The following LAD1 variants were observed in gnomAD, a reference collection of about 807,000 sequenced individuals.
LAD1 encodes ladinin 1.
LAD1 carries 53 observed loss-of-function variants against 54.2 expected under a neutral mutation model. The ratio of observed to expected loss-of-function variants is 0.98; its 90% confidence interval spans 0.78 to 1.23. LAD1 has a LOEUF of 1.23. Among genes scored for constraint, LAD1 ranks in the 50% most tolerant of loss-of-function variants. The probability of loss-of-function intolerance (pLI) is 0.00; values close to 1 mark genes in which losing one functional copy is unlikely to be tolerated. For missense variants in LAD1, 637 were observed against 653.3 expected (o/e 0.98, Z 0.27); for synonymous variants, 231 against 257.7 (o/e 0.90, Z 0.99).
chr1:201,396,474 G>A (rs1006673540), intron 1 of LAD1, among the ~76,000 whole-genome samples: 1 of 152,094 alleles, frequency 6.6e-6, no homozygotes, highest in Non-Finnish European at 1.5e-5. Context: ...CTGATGGCAG[G>A]GATTTAAGTG....
intron 4 of LAD1, 137 bp downstream of exon 4, chr1:201,385,564 C>A: frequency 1.4e-6 from 1 of 731,812 alleles, no homozygotes. Context: ...TTGTTCAGGG[C>A]CACCCATGGG....
At chr1:201,389,968 G>A (rs985304988) in intron 1 of LAD1, among the ~76,000 whole-genome samples, 7 of 151,752 alleles carry the variant, frequency 4.6e-5, no homozygotes, top group Non-Finnish European at 1.0e-4. Context: ...TGCTCAGATT[G>A]GAGTGCAGTG....
chr1:201,395,885 C>G (rs1662278802), intron 1 of LAD1, among the ~76,000 whole-genome samples: 1 of 152,228 alleles, frequency 6.6e-6, no homozygotes, highest in Non-Finnish European at 1.5e-5. Context: ...GCTTAACCAT[C>G]ATACCAAGTG....
chr1:201,384,652 T>C, intron 5 of LAD1, 140 bp downstream of exon 5: 1 of 808,236 alleles, frequency 1.2e-6, no homozygotes, highest in Non-Finnish European at 2.1e-6. Context: ...CCCTGCCAGA[T>C]CTGGAGCCCT....
rs1662151682 is a variant in LAD1, at chr1:201,389,205, G to T, written c.137C>A (p.Pro46His). 2 of 1,614,220 alleles carry T rather than the reference G, an allele frequency of 1.2e-6. No homozygotes were observed. The highest frequency in any genetic ancestry group is 2.7e-5 in the African/African-American group (2 of 75,058). ...NLSSTTDDEAPRLSQNGDRQA... is the reference protein window; with the variant it reads ...NLSSTTDDEAHRLSQNGDRQA... ...CCGGTCTCCATTCTGGCTGAGCCTGGGAGCCTCATCGTCCGTGGTGGAGCT... is the reference window on the plus strand; with the variant it reads ...CCGGTCTCCATTCTGGCTGAGCCTGTGAGCCTCATCGTCCGTGGTGGAGCT... Residue 46 changes from proline to histidine, a missense_variant, in exon 2 of 10, where the codon CCC becomes CAC. Coordinates refer to ENST00000391967, the MANE Select transcript of LAD1 (RefSeq NM_005558.4).
intron 1 of LAD1, 102 bp downstream of exon 1, chr1:201,399,167 G>A: frequency 2.0e-6 from 2 of 988,424 alleles, no homozygotes; most frequent in Non-Finnish European, 3.1e-6. Flanking sequence ...TCCAGCCTCA[G>A]TGTCAGGGTC....
intron 1 of LAD1, among the ~76,000 whole-genome samples, chr1:201,398,828 C>T (rs1662346636): frequency 1.3e-5 from 2 of 152,298 alleles, no homozygotes; most frequent in Admixed American, 6.5e-5. Context: ...GACGGCTCTC[C>T]CTGCTCCCCC....
chr1:201,385,607 C>CA, intron 4 of LAD1, 94 bp downstream of exon 4: 1 of 919,000 alleles, frequency 1.1e-6, no homozygotes, highest in Non-Finnish European at 1.8e-6. Context: ...AGGGGACCTT[C>CA]CTACCTAACC....
rs917074348 is a variant in LAD1, at chr1:201,382,459, C to G, written c.1474-133G>C. ...AGAGAAAAGGAACCCAGACCCACCCCTCCTCTCTGCCAGAGTCTGACCCAC... is the reference window on the plus strand; with the variant it reads ...AGAGAAAAGGAACCCAGACCCACCCGTCCTCTCTGCCAGAGTCTGACCCAC... On this transcript the variant is annotated intron_variant, in intron 8 of 9. Transcript: ENST00000391967. 3 of 794,568 alleles carry G rather than the reference C, an allele frequency of 3.8e-6. No individual in the cohort carries two copies. The East Asian group carries it at 7.7e-5, about 20-fold the overall frequency. 49.2% of individuals were successfully genotyped at this position (794,568 alleles called of 1,614,324 possible).
At position 201,386,930 on chromosome 1, in the gene LAD1, C is replaced by T. The variant is rs201317042; in HGVS notation, c.431G>A (p.Arg144Gln). ...GCCCCGCTGTTCCCGACTCAGTCTC[C>T]GGCGAGGTGGGATTTCCAGTTCCTT... is the stretch of plus-strand genomic sequence containing the variant. ...SKKELEIPPR[R>Q]RLSREQRGPW... The change falls in exon 3 of 10, where the codon CGG (arginine) becomes CAG (glutamine). Residue 144 changes from arginine to glutamine, a missense_variant. Physicochemically the swap from Arg to Gln is conservative, Grantham distance 43. Transcript: ENST00000391967. 40 of 1,612,710 alleles carry T rather than the reference C, an allele frequency of 2.5e-5. No individual in the cohort carries two copies. Among genetic ancestry groups the T allele is most frequent in the East Asian group, 1.3e-4 (6 of 44,870 alleles).
In LAD1 at chr1:201,382,747, G is replaced by A; in HGVS notation, c.1387-8C>T. ...TGAGAGCCTCAAGTTCTCCTAAAAAGAGAACTTTCCATCTCAGGGTTTAGG... is the reference window on the plus strand; with the variant it reads ...TGAGAGCCTCAAGTTCTCCTAAAAAAAGAACTTTCCATCTCAGGGTTTAGG... On this transcript the variant is annotated splice_polypyrimidine_tract_variant and splice_region_variant and intron_variant, in intron 7 of 9. Transcript: ENST00000391967. The A allele has an allele frequency of 6.3e-7, 1 of 1,586,786 alleles. No individual in the cohort carries two copies. Among genetic ancestry groups the A allele is most frequent in the Non-Finnish European group, 8.6e-7 (1 of 1,165,224 alleles).
intron 1 of LAD1, among the ~76,000 whole-genome samples, chr1:201,390,010 C>A (rs2102358488): frequency 6.6e-6 from 1 of 151,986 alleles, no homozygotes; most frequent in South Asian, 2.1e-4. Context: ...GCCCCAACCT[C>A]CCAGGCTCAA....
Position 201,386,735 on chromosome 1 carries a change from G to A in LAD1, c.626C>T (p.Ser209Leu). 1.2e-6 allele frequency: 2 copies of A among 1,614,224 alleles called. No homozygotes were observed. The highest frequency in any genetic ancestry group is 1.7e-6 in the Non-Finnish European group (2 of 1,180,028). Reference sequence around the variant, plus strand: ...CTTCTCTGATAGAGATGTCTTCTCTGAGGCCAGCACCTTCTCAGAGATGGA... The same window carrying A: ...CTTCTCTGATAGAGATGTCTTCTCTAAGGCCAGCACCTTCTCAGAGATGGA... The part of the protein sequence containing the change: ...KTSISEKVLA[S>L]EKTSLSEKIA... Residue 209 changes from serine (S) to leucine (L), a missense_variant, in exon 3 of 10, where the codon TCA (serine) becomes TTA (leucine). Transcript: ENST00000391967.
chr1:201,388,614 C>T (rs538662880), intron 2 of LAD1, among the ~76,000 whole-genome samples: 5 of 148,688 alleles, frequency 3.4e-5, no homozygotes, highest in Admixed American at 1.4e-4. Context: ...ACCTAGGAGG[C>T]GGAGCTTGCA....
At chr1:201,399,238 C>T in intron 1 of LAD1, 31 bp downstream of exon 1, 2 of 1,533,312 alleles carry the variant, frequency 1.3e-6, no homozygotes, top group Non-Finnish European at 1.8e-6. Flanking sequence ...CCGCCGACCC[C>T]CCGCCCCTCC....
intron 8 of LAD1, 144 bp from the exon 9 acceptor site, chr1:201,382,470 C>G: frequency 1.3e-6 from 1 of 770,064 alleles, no homozygotes; most frequent in Non-Finnish European, 2.2e-6. Context: ...TCCTCTCTGC[C>G]AGAGTCTGAC....
rs758959120 is a variant in LAD1, at chr1:201,384,104, T to C, written c.1175+688A>G. 1.2e-4 allele frequency among the ~76,000 whole-genome samples: 18 copies of C among 152,214 alleles called. 1 individual carries two copies. Among genetic ancestry groups the C allele is most frequent in the Admixed American group, 5.2e-4 (8 of 15,274 alleles). Reference sequence around the variant, plus strand: ...CTCCCTGGTTGGCCAGTATGTAATGTTCTCATGTTTGAGAGAGCTGCTATA... The same window carrying C: ...CTCCCTGGTTGGCCAGTATGTAATGCTCTCATGTTTGAGAGAGCTGCTATA... On this transcript the variant is annotated intron_variant, in intron 5 of 9. Transcript: ENST00000391967.
Position 201,381,690 on chromosome 1 carries a change from C to A in LAD1, c.*198G>T. The A allele has an allele frequency of 1.5e-6, 1 of 668,546 alleles. No individual in the cohort carries two copies. The highest frequency in any genetic ancestry group is 2.7e-6 in the Non-Finnish European group (1 of 365,594). The allele number at this position is 668,546 out of a possible 1,614,324, so 41.4% of individuals were successfully genotyped here. The stretch of plus-strand genomic sequence containing the variant: ...CTGCCGCAGGGTGAGAAAGTCCCAG[C>A]CCCAAGAGGCTGGGCTGGGAAGGAG... On this transcript the variant is annotated 3_prime_UTR_variant, in exon 10 of 10. Coordinates refer to ENST00000391967, the MANE Select transcript of LAD1 (RefSeq NM_005558.4).
chr1:201,381,776 A>G lies in LAD1; in HGVS notation c.*112T>C. Reference sequence around the variant, plus strand: ...ACCCTGGCCAAACAGATCCACAGGCAAAAAGGGAACAGGGACAATGAGAGG... The same window carrying G: ...ACCCTGGCCAAACAGATCCACAGGCGAAAAGGGAACAGGGACAATGAGAGG... On this transcript the variant is annotated 3_prime_UTR_variant, in exon 10 of 10. Transcript: ENST00000391967. 8.0e-7 allele frequency: 1 copy of G among 1,249,804 alleles called. No individual in the cohort carries two copies. Among genetic ancestry groups the G allele is most frequent in the Non-Finnish European group, 1.2e-6 (1 of 848,500 alleles). The allele number at this position is 1,249,804 out of a possible 1,614,324, so 77.4% of individuals were successfully genotyped here.
Sources: gnomAD v4.1 joint callset for allele counts (sites outside exome capture counted in the v4.1 genomes callset) on GRCh38, gnomAD v4.1.1 for gene constraint, MANE v1.5 for transcripts, NCBI Gene and HGNC (gene_info 2026-07-23, HGNC 2026-07-21) for gene names.